Variants in UBN2 observed in about 807,000 individuals in gnomAD.
The protein encoded by UBN2 is ubinuclein 2.
Under a neutral mutation model 120.2 loss-of-function variants are expected in UBN2, and 35 were observed. The ratio of observed to expected loss-of-function variants is 0.29; its 90% CI spans 0.22 to 0.39. The LOEUF (loss-of-function observed/expected upper bound fraction) is 0.39. Among genes scored for constraint, UBN2 ranks in the 10% least tolerant of loss-of-function variants. The pLI is 1.00. For missense variants in UBN2, 1,693 were observed against 1,663.2 expected, an observed-to-expected ratio of 1.02 and a Z score of -0.31; for synonymous variants, 661 against 648.7, an observed-to-expected ratio of 1.02 and a Z score of -0.29.
At position 139,304,665 on chromosome 7, in the gene UBN2, T is replaced by C. The variant is rs1798326595; in HGVS notation, c.*6829T>C. On this transcript the variant is annotated 3_prime_UTR_variant, in exon 18 of 18. Coordinates refer to ENST00000473989, the MANE Select transcript of UBN2 (RefSeq NM_173569.4). ...CCAAGCAGACAAAGCATCTGGTTAA[T>C]TTCCAGAATTGGCTAAGGTCCACTG... is the stretch of plus-strand genomic sequence containing the variant. 6.6e-6 allele frequency: 1 copy of C among 151,476 alleles called. No homozygotes were observed. Among genetic ancestry groups the C allele is most frequent in the African/African-American group, 2.4e-5 (1 of 41,086 alleles). The allele number at this position is 151,476 out of a possible 1,614,324, so 9.4% of individuals were successfully genotyped here.
intron 2 of UBN2, among the ~76,000 whole-genome samples, chr7:139,250,542 G>T (rs1414971766): frequency 2.1e-5 from 3 of 146,108 alleles, no homozygotes; most frequent in African/African-American, 7.7e-5. Context: ...CCCAGACCCT[G>T]TATCAAAAAA....
intron 17 of UBN2, among the ~76,000 whole-genome samples, chr7:139,297,512 G>A (rs976425127): frequency 4.6e-5 from 7 of 152,074 alleles, no homozygotes; most frequent in Non-Finnish European, 7.4e-5. Flanking sequence ...ACAATTGGCT[G>A]GGACGTAAAT....
chr7:139,289,237 A>G lies in UBN2; in HGVS notation c.3670-3995A>G, dbSNP rs546833861. 2.6e-5 allele frequency among the ~76,000 whole-genome samples: 4 copies of G among 152,266 alleles called. No homozygotes were observed. The East Asian group carries it at 5.8e-4, about 22-fold the overall frequency. ...ATCTTTTAGGATAGAGAGATTTGCA[A>G]ATACCCATGTCACATTTAGATTATC... On this transcript the variant is annotated intron_variant, in intron 15 of 17. Transcript: ENST00000473989.
At chr7:139,274,553 G>A (rs576425338) in intron 11 of UBN2, among the ~76,000 whole-genome samples, 130 of 151,264 alleles carry the variant, frequency 8.6e-4, no homozygotes, top group Admixed American at 2.4e-3. Context: ...ACCTGAGGTC[G>A]GGAGTTCAAG....
intron 2 of UBN2, among the ~76,000 whole-genome samples, chr7:139,247,329 AC>A (rs1796498241): frequency 6.6e-6 from 1 of 152,228 alleles, no homozygotes; most frequent in South Asian, 2.1e-4. Flanking sequence ...GTAAGGATGA[AC>A]AAAATTGGAA....
intron 1 of UBN2, among the ~76,000 whole-genome samples, chr7:139,236,428 T>A (rs1796164720): frequency 6.6e-6 from 1 of 152,232 alleles, no homozygotes; most frequent in African/African-American, 2.4e-5. Flanking sequence ...ACACACTCAG[T>A]GTTAACTCAC....
chr7:139,275,363 C>T (rs1797411722), intron 11 of UBN2, among the ~76,000 whole-genome samples: 1 of 149,380 alleles, frequency 6.7e-6, no homozygotes, highest in Admixed American at 6.7e-5. Flanking sequence ...GAGGGTGGAT[C>T]ACGAGGTCAG....
At chr7:139,281,118 A>G (rs1797595597) in intron 13 of UBN2, among the ~76,000 whole-genome samples, 1 of 152,180 alleles carries the variant, frequency 6.6e-6, no homozygotes, top group African/African-American at 2.4e-5. Context: ...TGATACATCT[A>G]TTCAAACATA....
At chr7:139,293,809 CATAA>C in intron 16 of UBN2, 76 bp from the exon 17 acceptor site, 1 of 1,351,850 alleles carries the variant, frequency 7.4e-7, no homozygotes. Context: ...GCCTGCATTA[CATAA>C]ATCAGTTTTC....
rs1240560783 is a variant in UBN2, at chr7:139,298,287, C to G, written c.*451C>G. On this transcript the variant is annotated 3_prime_UTR_variant, in exon 18 of 18. Transcript: ENST00000473989. ...AGTTTGTCAGGAATAATGATCATGT[C>G]TATTTGAATGGACTGTGTAGCAGAT... is the stretch of plus-strand genomic sequence containing the variant. The G allele has an allele frequency of 6.0e-6, 1 of 166,408 alleles. No homozygotes were observed. Among genetic ancestry groups the G allele is most frequent in the East Asian group, 1.7e-4 (1 of 5,974 alleles). The allele number at this position is 166,408 out of a possible 1,614,324, so 10.3% of individuals were successfully genotyped here. A position where few individuals can be genotyped will look rare whatever the true frequency, so the allele number is the denominator to read the frequency against.
chr7:139,241,779 C>T (rs1365504002), intron 2 of UBN2, among the ~76,000 whole-genome samples: 2 of 152,158 alleles, frequency 1.3e-5, no homozygotes, highest in Non-Finnish European at 2.9e-5. Context: ...GGCAGATCAC[C>T]TGAGGTCAGG....
chr7:139,327,914 T>G, the UBN2 span, among the ~76,000 whole-genome samples: 1 of 152,204 alleles, frequency 6.6e-6, no homozygotes, highest in Non-Finnish European at 1.5e-5. Context: ...GAATAACTGA[T>G]AGAATTCTCC....
In UBN2 at chr7:139,304,068, T is replaced by C. The variant is rs1263960590; in HGVS notation, c.*6232T>C. On this transcript the variant is annotated 3_prime_UTR_variant, in exon 18 of 18. Transcript: ENST00000473989. Reference sequence around the variant, plus strand: ...GTTTGAGGACGGATAGCTAAGCTTTTTAACTTTCTAAGAATGAGTATGATG... The same window carrying C: ...GTTTGAGGACGGATAGCTAAGCTTTCTAACTTTCTAAGAATGAGTATGATG... 6.6e-6 allele frequency: 1 copy of C among 152,174 alleles called. No homozygotes were observed. The highest frequency in any genetic ancestry group is 2.4e-5 in the African/African-American group (1 of 41,424). The allele number at this position is 152,174 out of a possible 1,614,324, so 9.4% of individuals were successfully genotyped here. A position where few individuals can be genotyped will look rare whatever the true frequency, so the allele number is the denominator to read the frequency against.
chr7:139,233,189 T>C (rs1796075336), intron 1 of UBN2, among the ~76,000 whole-genome samples: 1 of 152,206 alleles, frequency 6.6e-6, no homozygotes, highest in African/African-American at 2.4e-5. Flanking sequence ...GGTCAAATCA[T>C]TACAAAATGT....
At chr7:139,237,586 C>T (rs909214506) in intron 2 of UBN2, among the ~76,000 whole-genome samples, 5 of 152,078 alleles carry the variant, frequency 3.3e-5, no homozygotes, top group Admixed American at 6.6e-5. Flanking sequence ...AGAGTCTGGG[C>T]GGTTTGCTTT....
chr7:139,237,486 G>A (rs1486597950), intron 2 of UBN2, among the ~76,000 whole-genome samples: 1 of 151,920 alleles, frequency 6.6e-6, no homozygotes, highest in Non-Finnish European at 1.5e-5. Flanking sequence ...GGTAGAGACG[G>A]GGTTTCACCA....
the UBN2 span, among the ~76,000 whole-genome samples, chr7:139,314,413 C>T: frequency 1.3e-5 from 2 of 151,454 alleles, no homozygotes; most frequent in Non-Finnish European, 1.5e-5. Context: ...GAGCTGCTAT[C>T]GTGCCACTGT....
intron 13 of UBN2, 36 bp downstream of exon 13, chr7:139,279,396 T>C (rs770514535): frequency 4.7e-6 from 7 of 1,500,650 alleles, no homozygotes; most frequent in Middle Eastern, 3.5e-4. Context: ...TTAGTTATAG[T>C]TGGTGAATGT....
At chr7:139,256,995 C>T (rs147837558) in intron 3 of UBN2, among the ~76,000 whole-genome samples, 1 of 152,206 alleles carries the variant, frequency 6.6e-6, no homozygotes, top group Non-Finnish European at 1.5e-5. Flanking sequence ...TATTCCTTGC[C>T]CATGGCAATG....
Sources: gnomAD v4.1 joint callset for allele counts (sites outside exome capture counted in the v4.1 genomes callset) on GRCh38, gnomAD v4.1.1 for gene constraint, MANE v1.5 for transcripts, NCBI Gene and HGNC (gene_info 2026-07-23, HGNC 2026-07-21) for gene names.